Variants in EFTUD2 observed in about 807,000 individuals in gnomAD.
The protein encoded by EFTUD2 is elongation factor Tu GTP binding domain containing 2, also known as 116 kDa U5 small nuclear ribonucleoprotein component.
Under a neutral mutation model 114.3 loss-of-function variants are expected in EFTUD2, and 9 were observed. The observed-to-expected ratio is 0.08, with a 90% CI of 0.05 to 0.14. The LOEUF (loss-of-function observed/expected upper bound fraction) is 0.14, where lower values mean the gene tolerates loss of function less well. Ranked by LOEUF, EFTUD2 falls within the 10% of genes least tolerant of loss-of-function variation. The probability of loss-of-function intolerance (pLI) is 1.00; values close to 1 mark genes in which losing one functional copy is unlikely to be tolerated. For missense variants in EFTUD2, 765 were observed against 1,241.2 expected (o/e 0.62, Z 5.76); for synonymous variants, 449 against 462.3 (o/e 0.97, Z 0.37).
chr17:44,869,965 G>A (rs1205639477), intron 11 of EFTUD2, among the ~76,000 whole-genome samples: 6 of 152,182 alleles, frequency 3.9e-5, no homozygotes, highest in Admixed American at 1.3e-4. Context: ...AGAGCACATG[G>A]TATCAGTTTT....
At chr17:44,870,973 G>A (rs925960468) in intron 11 of EFTUD2, among the ~76,000 whole-genome samples, 3 of 151,924 alleles carry the variant, frequency 2.0e-5, no homozygotes, top group Non-Finnish European at 4.4e-5. Context: ...AGCCGAGATC[G>A]TGCCATTACA....
intron 13 of EFTUD2, among the ~76,000 whole-genome samples, chr17:44,867,538 A>T (rs141964311): frequency 6.6e-6 from 1 of 152,004 alleles, no homozygotes; most frequent in African/African-American, 2.4e-5. Flanking sequence ...GAGCTCAGGC[A>T]ATCTGCCCAC....
intron 1 of EFTUD2, 146 bp from the exon 2 acceptor site, chr17:44,894,671 C>T: frequency 1.6e-6 from 1 of 634,852 alleles, no homozygotes; most frequent in East Asian, 2.7e-5. Context: ...ACTGAATGCT[C>T]CTCCCAAAGC....
At chr17:44,852,346 C>A (rs1436181010) in intron 26 of EFTUD2, 63 bp downstream of exon 26, 1 of 1,601,974 alleles carries the variant, frequency 6.2e-7, no homozygotes, top group Non-Finnish European at 8.5e-7. Flanking sequence ...GGGATCAGGA[C>A]AGAAGGGGAT....
At chr17:44,882,444 T>G (rs534851117) in intron 6 of EFTUD2, among the ~76,000 whole-genome samples, 3 of 147,972 alleles carry the variant, frequency 2.0e-5, no homozygotes, top group Non-Finnish European at 4.5e-5. Context: ...TTAGTAGAGA[T>G]AGAGTTTCGC....
At chr17:44,856,975 T>C (rs2050568432) in intron 20 of EFTUD2, 100 bp downstream of exon 20, 1 of 976,082 alleles carries the variant, frequency 1.0e-6, no homozygotes, top group African/African-American at 1.6e-5. Context: ...TGTAGAGGTC[T>C]CTATGTGCAT....
At chr17:44,859,331 A>G (rs2050614365) in intron 18 of EFTUD2, 150 bp from the exon 19 acceptor site, 1 of 659,832 alleles carries the variant, frequency 1.5e-6, no homozygotes, top group Non-Finnish European at 2.7e-6. Flanking sequence ...AGGTTCAGTG[A>G]GGAGCATCTG....
chr17:44,857,172 A>G lies in EFTUD2; in HGVS notation c.1963-15T>C, dbSNP rs201911879. On this transcript the variant is annotated splice_polypyrimidine_tract_variant and intron_variant, in intron 19 of 27. Transcript: ENST00000426333. ...GGGTCAGCCACCTGGGAAACAGAAA[A>G]TAAATTACTGAAGCGAGGTCTAATT... The G allele has an allele frequency of 1.1e-5, 17 of 1,612,346 alleles. No individual in the cohort carries two copies. Among genetic ancestry groups the G allele is most frequent in the Non-Finnish European group, 1.4e-5 (17 of 1,178,596 alleles).
At chr17:44,872,605 C>A in intron 10 of EFTUD2, 35 bp from the exon 11 acceptor site, 1 of 1,570,240 alleles carries the variant, frequency 6.4e-7, no homozygotes, top group South Asian at 1.2e-5. Flanking sequence ...CAGTGCCAGG[C>A]TGCAGCAGCC....
chr17:44,897,566 T>C (rs185353722), intron 1 of EFTUD2, among the ~76,000 whole-genome samples: 1 of 152,294 alleles, frequency 6.6e-6, no homozygotes, highest in Admixed American at 6.5e-5. Flanking sequence ...TTTACATTTT[T>C]ATTTTTTTAT....
At chr17:44,870,678 G>C (rs760243869) in intron 11 of EFTUD2, among the ~76,000 whole-genome samples, 1 of 152,024 alleles carries the variant, frequency 6.6e-6, no homozygotes, top group African/African-American at 2.4e-5. Context: ...TTTTTCTCAT[G>C]ATTTTCTTTG....
rs2050431772 is a variant in EFTUD2, at chr17:44,850,677, A to G, written c.*597T>C. On this transcript the variant is annotated 3_prime_UTR_variant, in exon 28 of 28. Transcript: ENST00000426333. ...GCAGGAACCCAACAACTCCCAAGCC[A>G]TCTTAGGTTCCACCCAGAAGCAGCA... 1 of 349,386 alleles carries G rather than the reference A, an allele frequency of 2.9e-6. No individual in the cohort carries two copies. The highest frequency in any genetic ancestry group is 3.9e-5 in the Admixed American group (1 of 25,776). 21.6% of individuals were successfully genotyped at this position (349,386 alleles called of 1,614,324 possible). A position where few individuals can be genotyped will look rare whatever the true frequency, so the allele number is the denominator to read the frequency against.
intron 12 of EFTUD2, 62 bp downstream of exon 12, chr17:44,868,225 T>C (rs2050785794): frequency 7.0e-7 from 1 of 1,435,970 alleles, no homozygotes; most frequent in Non-Finnish European, 9.5e-7. Context: ...AGAATTTCAC[T>C]GTCCTCACTT....
At chr17:44,861,442 A>G (rs1231928871) in intron 16 of EFTUD2, among the ~76,000 whole-genome samples, 1 of 150,912 alleles carries the variant, frequency 6.6e-6, no homozygotes, top group East Asian at 1.9e-4. Context: ...GAAAAAAAAA[A>G]AAAAAAAAAG....
chr17:44,886,137 T>C (rs2051168076), intron 3 of EFTUD2, among the ~76,000 whole-genome samples: 3 of 152,110 alleles, frequency 2.0e-5, no homozygotes, highest in African/African-American at 7.2e-5. Context: ...CTAGGGAGGC[T>C]GAAGCAGAAT....
Position 44,883,741 on chromosome 17 carries a change from AAAGAG to A in EFTUD2, c.351-22_351-18del. The A allele has an allele frequency of 2.5e-6, 4 of 1,612,928 alleles. No individual in the cohort carries two copies. Among genetic ancestry groups the A allele is most frequent in the Non-Finnish European group, 3.4e-6 (4 of 1,178,866 alleles). ...GCCAAGAAACTGAAAGGACAAAGGA[AAAGAG>A]AAAAGAGAGATTGGCAAACGTTTCC... On this transcript the variant is annotated intron_variant, in intron 4 of 27. Transcript: ENST00000426333.
chr17:44,874,239 C>T (rs756036078), intron 10 of EFTUD2, among the ~76,000 whole-genome samples: 1 of 151,968 alleles, frequency 6.6e-6, no homozygotes, highest in Non-Finnish European at 1.5e-5. Context: ...GACACAGAGT[C>T]TAGCTATGTT....
At chr17:44,879,007 C>G (rs1053476874) in intron 9 of EFTUD2, among the ~76,000 whole-genome samples, 14 of 152,148 alleles carry the variant, frequency 9.2e-5, no homozygotes, top group African/African-American at 3.4e-4. Context: ...GTCATTTTAT[C>G]TTTGTGTTTT....
rs756655420 is a variant in EFTUD2 at position 44,881,740 on chromosome 17, G to A, written c.493-18C>T. Reference sequence around the variant, plus strand: ...TAGCACAGCTGAAAAAAAATTAACTGTTGTTACCACCTGAGTTGAGACTGC... The same window carrying A: ...TAGCACAGCTGAAAAAAAATTAACTATTGTTACCACCTGAGTTGAGACTGC... On this transcript the variant is annotated intron_variant, in intron 6 of 27. Coordinates refer to ENST00000426333, the MANE Select transcript of EFTUD2 (RefSeq NM_004247.4). 10 of 1,613,670 alleles carry A rather than the reference G, an allele frequency of 6.2e-6. No homozygotes were observed. The highest frequency in any genetic ancestry group is 7.6e-6 in the Non-Finnish European group (9 of 1,179,762).
Sources: gnomAD v4.1 joint callset for allele counts (sites outside exome capture counted in the v4.1 genomes callset) on GRCh38, gnomAD v4.1.1 for gene constraint, MANE v1.5 for transcripts, NCBI Gene and HGNC (gene_info 2026-07-23, HGNC 2026-07-21) for gene names.